LMNA: variants seen among roughly 807,000 people sequenced by gnomAD.
LMNA encodes lamin A/C.
A neutral mutation model predicts 70.4 loss-of-function variants in LMNA; 20 were observed. That is an observed-to-expected ratio of 0.28 (90% CI 0.20 to 0.41). The LOEUF is 0.41. LMNA is among the 10% of genes least tolerant of loss of function. The pLI is 1.00. For missense variants in LMNA, 652 were observed against 917.2 expected, an observed-to-expected ratio of 0.71 and a Z score of 3.73; for synonymous variants, 339 against 372.8, an observed-to-expected ratio of 0.91 and a Z score of 1.04.
upstream of LMNA, among the ~76,000 whole-genome samples, chr1:156,110,529 C>A (rs1284349959): frequency 1.3e-5 from 2 of 152,160 alleles, no homozygotes; most frequent in South Asian, 2.1e-4. Context: ...GTGGCAGGGC[C>A]AGATGCATTT....
rs1649217871 is a variant in LMNA, at chr1:156,103,706, G to A, written c.-206-11007G>A. Among the ~76,000 whole-genome samples, 1 of 152,138 alleles carries A rather than the reference G, an allele frequency of 6.6e-6. No individual in the cohort carries two copies. Among genetic ancestry groups the A allele is most frequent in the Admixed American group, 6.5e-5 (1 of 15,284 alleles). ...TAATCCTTTCCATCGGCAGTGGCAT[G>A]TCCTGCCCCTGCTGTGCCTGTGCCA... On this transcript the variant is annotated intron_variant, in intron 3 of 12. Transcript: ENST00000368301. This position sits in a 1 kb window ranked among gnomAD's most constrained non-coding sequence, Gnocchi z 4.7.
In LMNA at chr1:156,136,554, G is replaced by C; in HGVS notation, c.1380+118G>C. ...GCCCTCAGAGGGTGGACCAGGGTGA[G>C]CCTGTATATCTCCTCCACACTCTGG... On this transcript the variant is annotated intron_variant, in intron 7 of 11. Coordinates refer to ENST00000368300, the MANE Select transcript of LMNA (RefSeq NM_170707.4). The surrounding 1 kb of genome is among the most constrained non-coding windows in gnomAD (Gnocchi z 6.1). The C allele has an allele frequency of 9.4e-7, 1 of 1,064,952 alleles. No homozygotes were observed. The highest frequency in any genetic ancestry group is 1.4e-6 in the Non-Finnish European group (1 of 717,896). The allele number at this position is 1,064,952 out of a possible 1,614,324, so 66.0% of individuals were successfully genotyped here.
Position 156,134,371 on chromosome 1 carries a change from C to G in LMNA, c.514-32C>G, listed in dbSNP as rs760721856. On this transcript the variant is annotated intron_variant, in intron 2 of 11. Transcript: ENST00000368300. This position sits in a 1 kb window ranked among gnomAD's most constrained non-coding sequence, Gnocchi z 5.3. Reference sequence around the variant, plus strand: ...CTTCCAGTTCTTGTGTTCTGTGACCCCTTTTCCTCATCTCTGCCTGCTTCC... The same window carrying G: ...CTTCCAGTTCTTGTGTTCTGTGACCGCTTTTCCTCATCTCTGCCTGCTTCC... 6.2e-6 allele frequency: 10 copies of G among 1,613,098 alleles called. No individual in the cohort carries two copies. Among genetic ancestry groups the G allele is most frequent in the Admixed American group, 1.7e-5 (1 of 59,948 alleles).
chr1:156,139,859 T>A lies in LMNA; in HGVS notation c.*753T>A. Reference sequence around the variant, plus strand: ...CCCTAGCTTTAGACCCTGGGTGGGCTCTGTGCAGTCACTGGAGGTTGAAGC... The same window carrying A: ...CCCTAGCTTTAGACCCTGGGTGGGCACTGTGCAGTCACTGGAGGTTGAAGC... On this transcript the variant is annotated 3_prime_UTR_variant, in exon 12 of 12. Coordinates refer to ENST00000368300, the MANE Select transcript of LMNA (RefSeq NM_170707.4). The A allele has an allele frequency of 8.0e-6, 12 of 1,496,316 alleles. No individual in the cohort carries two copies. Among genetic ancestry groups the A allele is most frequent in the Non-Finnish European group, 8.9e-6 (10 of 1,127,968 alleles). The allele number at this position is 1,496,316 out of a possible 1,614,324, so 92.7% of individuals were successfully genotyped here. A position where few individuals can be genotyped will look rare whatever the true frequency, so the allele number is the denominator to read the frequency against.
In LMNA at chr1:156,115,467, G is replaced by A. The variant is rs2102819729; in HGVS notation, c.356+193G>A. On this transcript the variant is annotated intron_variant, in intron 1 of 11. Coordinates refer to ENST00000368300, the MANE Select transcript of LMNA (RefSeq NM_170707.4). This position sits in a 1 kb window ranked among gnomAD's most constrained non-coding sequence, Gnocchi z 5.8. The stretch of plus-strand genomic sequence containing the variant: ...GGGAATTGTCAAGACAGGACAGAGA[G>A]GGAAGTGGTGGTCTCTGGGAGAGGG... Among the ~76,000 whole-genome samples, 1 of 152,354 alleles carries A rather than the reference G, an allele frequency of 6.6e-6. No homozygotes were observed. The highest frequency in any genetic ancestry group is 1.5e-5 in the Non-Finnish European group (1 of 68,028).
chr1:156,138,727 C>T lies in LMNA; in HGVS notation c.1938C>T (p.Tyr646=). 1 of 1,613,554 alleles carries T rather than the reference C, an allele frequency of 6.2e-7. No homozygotes were observed. Among genetic ancestry groups the T allele is most frequent in the Non-Finnish European group, 8.5e-7 (1 of 1,180,022 alleles). The change falls in exon 11 of 12, where the codon TAC becomes TAT. Residue 646 remains tyrosine (Y), a synonymous_variant. Coordinates refer to ENST00000368300, the MANE Select transcript of LMNA (RefSeq NM_170707.4). The surrounding 1 kb of genome is among the most constrained non-coding windows in gnomAD (Gnocchi z 5.5). The part of the protein sequence containing the change: ...SFGDNLVTRS[Y]LLGNSSPRTQ... ...GGGACAATCTGGTCACCCGCTCCTA[C>T]CTCCTGGGCAACTCCAGCCCCCGAA... is the stretch of plus-strand genomic sequence containing the variant.
intron 1 of LMNA, among the ~76,000 whole-genome samples, chr1:156,118,831 A>G (rs1489122795): frequency 6.6e-6 from 1 of 152,054 alleles, no homozygotes; most frequent in African/African-American, 2.4e-5. Flanking sequence ...TGTTTTTAAG[A>G]CCCTGTAGCA....
chr1:156,137,276 C>T lies in LMNA; in HGVS notation c.1608+44C>T, dbSNP rs1368665522. 2 of 1,541,190 alleles carry T rather than the reference C, an allele frequency of 1.3e-6. No homozygotes were observed. The highest frequency in any genetic ancestry group is 1.4e-5 in the African/African-American group (1 of 73,188). ...GGCTGCTTGCTGGACGAGGCTCCCCCTGATGGCCAACATCGGAGCCAGCTG... is the reference window on the plus strand; with the variant it reads ...GGCTGCTTGCTGGACGAGGCTCCCCTTGATGGCCAACATCGGAGCCAGCTG... On this transcript the variant is annotated intron_variant, in intron 9 of 11. Coordinates refer to ENST00000368300, the MANE Select transcript of LMNA (RefSeq NM_170707.4). The surrounding 1 kb of genome is among the most constrained non-coding windows in gnomAD (Gnocchi z 4.6).
chr1:156,099,221 G>C (rs1649052393), intron 3 of LMNA, among the ~76,000 whole-genome samples: 2 of 152,096 alleles, frequency 1.3e-5, no homozygotes, highest in African/African-American at 4.8e-5. Flanking sequence ...AGCCTTCTAG[G>C]CCTGGATTGT....
intron 1 of LMNA, among the ~76,000 whole-genome samples, chr1:156,127,850 C>G (rs916995038): frequency 5.3e-5 from 8 of 152,080 alleles, no homozygotes; most frequent in Admixed American, 2.6e-4. Context: ...CCTTGCCCGA[C>G]TAATTTTTGT....
In LMNA at chr1:156,130,808, A is replaced by G. The variant is rs141416069; in HGVS notation, c.513+35A>G. The stretch of plus-strand genomic sequence containing the variant: ...CCCTGCAGGGCCCACCCATGGCCCC[A>G]CCTAACACATGTACACTCACTCTTC... On this transcript the variant is annotated intron_variant, in intron 2 of 11. Transcript: ENST00000368300. 7.7e-6 allele frequency: 12 copies of G among 1,549,026 alleles called. No homozygotes were observed. In the African/African-American group the frequency reaches 1.2e-4, roughly 16 times the overall value.
chr1:156,084,078 TAGTG>T (rs757679820), intron 2 of LMNA, among the ~76,000 whole-genome samples: 81 of 152,280 alleles, frequency 5.3e-4, no homozygotes, highest in Non-Finnish European at 1.1e-3. Flanking sequence ...AGTTTTATAA[TAGTG>T]GGTGGGTGAG....
At chr1:156,090,458 C>G (rs1044292002) in intron 2 of LMNA, 1 of 152,188 alleles carries the variant, frequency 6.6e-6, no homozygotes, top group Non-Finnish European at 1.5e-5. Flanking sequence ...AGGCTCTGTT[C>G]TGGTCTTTTC....
chr1:156,091,354 G>A (rs1648689814), intron 3 of LMNA, among the ~76,000 whole-genome samples: 2 of 152,204 alleles, frequency 1.3e-5, no homozygotes, highest in South Asian at 4.1e-4. Context: ...TGTAATCCCA[G>A]CACTTTGGGA....
intron 3 of LMNA, among the ~76,000 whole-genome samples, chr1:156,092,029 T>G (rs1648723834): frequency 6.6e-6 from 1 of 152,046 alleles, no homozygotes; most frequent in African/African-American, 2.4e-5. Context: ...GCCATTCTCC[T>G]GCCTCGGCCT....
chr1:156,133,444 G>A (rs2430414), intron 2 of LMNA, among the ~76,000 whole-genome samples: 13,796 of 151,924 alleles, frequency 0.091, 1,063 homozygotes, highest in African/African-American at 0.21. Context: ...GGTGGCCCAT[G>A]TCTGTAGTCC....
Position 156,137,505 on chromosome 1 carries a change from C to T in LMNA, c.1609-149C>T. On this transcript the variant is annotated intron_variant, in intron 9 of 11. Transcript: ENST00000368300. This position sits in a 1 kb window ranked among gnomAD's most constrained non-coding sequence, Gnocchi z 4.6. ...GTCCCTCTGGGGTGGAAATGAGTTC[C>T]TTAGCTCCATCACCACAGAGGACAG... The T allele has an allele frequency of 1.2e-6, 1 of 848,660 alleles. No individual in the cohort carries two copies. Among genetic ancestry groups the T allele is most frequent in the South Asian group, 1.4e-5 (1 of 69,048 alleles). 52.6% of individuals were successfully genotyped at this position (848,660 alleles called of 1,614,324 possible).
intron 3 of LMNA, among the ~76,000 whole-genome samples, chr1:156,108,122 T>C (rs1649417635): frequency 6.6e-6 from 1 of 152,122 alleles, no homozygotes; most frequent in African/African-American, 2.4e-5. Flanking sequence ...CTCATAAGAT[T>C]GAGGTGAAGA....
intron 1 of LMNA, among the ~76,000 whole-genome samples, chr1:156,117,588 G>T (rs570156956): frequency 6.6e-6 from 1 of 152,122 alleles, no homozygotes; most frequent in Admixed American, 6.5e-5. Context: ...GAGTGCAGTG[G>T]CAAGGTCATG....
Sources: gnomAD v4.1 joint callset for allele counts (sites outside exome capture counted in the v4.1 genomes callset) on GRCh38, gnomAD v4.1.1 for gene constraint, Gnocchi (gnomAD v3.1) non-coding constraint, MANE v1.5 for transcripts, NCBI Gene and HGNC (gene_info 2026-07-23, HGNC 2026-07-21) for gene names.